The following MTUS2 variants were observed in gnomAD, a reference collection of about 807,000 sequenced individuals.
The protein encoded by MTUS2 is microtubule-associated tumor suppressor candidate 2.
Under a neutral mutation model 114.1 loss-of-function variants are expected in MTUS2, and 40 were observed. The observed-to-expected ratio is 0.35, with a 90% confidence interval of 0.27 to 0.46. The LOEUF (loss-of-function observed/expected upper bound fraction) is 0.46, where lower values mean the gene tolerates loss of function less well. Ranked by LOEUF, MTUS2 falls within the 20% of genes least tolerant of loss-of-function variation. The pLI is 1.00. For missense variants in MTUS2, 1,679 were observed against 1,705.4 expected (o/e 0.98, Z 0.27); for synonymous variants, 688 against 672.0 (o/e 1.02, Z -0.37).
At chr13:29,231,586 T>C (rs1896326644) in intron 5 of MTUS2, among the ~76,000 whole-genome samples, 1 of 152,242 alleles carries the variant, frequency 6.6e-6, no homozygotes, top group Admixed American at 6.5e-5. Flanking sequence ...GTGTTCAGGA[T>C]ACACGATTAC....
intron 5 of MTUS2, among the ~76,000 whole-genome samples, chr13:29,241,169 G>A (rs2139395794): frequency 6.6e-6 from 1 of 152,290 alleles, no homozygotes; most frequent in Middle Eastern, 3.4e-3. Flanking sequence ...CTGGGTTACA[G>A]GGCTTAGAGG....
intron 4 of MTUS2, 35 bp downstream of exon 4, chr13:29,034,160 G>A (rs566770787): frequency 1.2e-6 from 2 of 1,612,162 alleles, no homozygotes; most frequent in Non-Finnish European, 1.7e-6. Context: ...TTTTCCTGCT[G>A]TACGTTTAGA....
At chr13:29,134,599 T>A (rs1407307185) in intron 5 of MTUS2, among the ~76,000 whole-genome samples, 1 of 152,230 alleles carries the variant, frequency 6.6e-6, no homozygotes, top group East Asian at 1.9e-4. Flanking sequence ...TGTATCACGC[T>A]TTATTTTTTT....
chr13:29,232,863 G>A (rs1450704694), intron 5 of MTUS2, among the ~76,000 whole-genome samples: 1 of 152,144 alleles, frequency 6.6e-6, no homozygotes, highest in Non-Finnish European at 1.5e-5. Context: ...AAACGTTGTG[G>A]GAGTGAAAGC....
rs138389375 is a variant in MTUS2, at chr13:29,040,339, G to A, written c.2446+6214G>A. ...CTCATTAGTATTTCATAGTACATTTGTACCACATTGTCTTTATTCACTCGT... is the reference window on the plus strand; with the variant it reads ...CTCATTAGTATTTCATAGTACATTTATACCACATTGTCTTTATTCACTCGT... On this transcript the variant is annotated intron_variant, in intron 4 of 15. Coordinates refer to ENST00000612955, the MANE Select transcript of MTUS2 (RefSeq NM_001033602.4). Among the ~76,000 whole-genome samples, 455 of 152,216 alleles carry A rather than the reference G, an allele frequency of 3.0e-3. 4 individuals carry two copies. Among genetic ancestry groups the A allele is most frequent in the Admixed American group, 4.3e-3 (66 of 15,286 alleles).
At chr13:29,361,470 A>G (rs182089098) in intron 8 of MTUS2, among the ~76,000 whole-genome samples, 2 of 151,354 alleles carry the variant, frequency 1.3e-5, no homozygotes, top group Non-Finnish European at 2.9e-5. Flanking sequence ...TTTTTTTTTT[A>G]AAAAGTTAAA....
chr13:29,438,218 A>G (rs367956153), intron 8 of MTUS2, among the ~76,000 whole-genome samples: 5 of 152,194 alleles, frequency 3.3e-5, no homozygotes, highest in African/African-American at 4.8e-5. Flanking sequence ...GGATTATGCA[A>G]TAAAATACAT....
At chr13:29,278,739 G>T (rs1011197845) in intron 5 of MTUS2, among the ~76,000 whole-genome samples, 9 of 152,178 alleles carry the variant, frequency 5.9e-5, no homozygotes, top group African/African-American at 1.9e-4. Context: ...TGGAATTGAT[G>T]ATGTTTCATA....
chr13:29,150,180 C>G (rs1298827253), intron 5 of MTUS2, among the ~76,000 whole-genome samples: 4 of 152,170 alleles, frequency 2.6e-5, no homozygotes, highest in Non-Finnish European at 5.9e-5. Flanking sequence ...TTTGCACCCT[C>G]TCTGATTTCT....
chr13:29,178,251 A>T (rs1893856513), intron 5 of MTUS2, among the ~76,000 whole-genome samples: 3 of 152,202 alleles, frequency 2.0e-5, no homozygotes, highest in Admixed American at 2.0e-4. Context: ...TATTAATGAA[A>T]TTCAAATTTG....
intron 1 of MTUS2, among the ~76,000 whole-genome samples, chr13:28,824,776 G>A (rs1230207432): frequency 1.3e-5 from 2 of 151,804 alleles, no homozygotes; most frequent in Non-Finnish European, 2.9e-5. Context: ...GACAAAAACT[G>A]CATCCTTGAG....
chr13:29,080,611 T>C (rs1045934867), intron 4 of MTUS2, among the ~76,000 whole-genome samples: 1 of 152,222 alleles, frequency 6.6e-6, no homozygotes, highest in African/African-American at 2.4e-5. Context: ...GTCTGGTCTT[T>C]TCTTCTGTCT....
At chr13:29,363,145 G>T (rs1008834093) in intron 8 of MTUS2, among the ~76,000 whole-genome samples, 2 of 152,118 alleles carry the variant, frequency 1.3e-5, no homozygotes, top group Non-Finnish European at 2.9e-5. Context: ...TGGTGTGATG[G>T]TGCTTTTGCT....
rs142059502 is a variant in MTUS2, at chr13:29,123,169, G to A, written c.2644+22199G>A. Among the ~76,000 whole-genome samples, 4 of 152,080 alleles carry A rather than the reference G, an allele frequency of 2.6e-5. No individual in the cohort carries two copies. The East Asian group carries it at 5.8e-4, about 22-fold the overall frequency. Reference sequence around the variant, plus strand: ...TGAAATTTTTATTCATTTACAATCAGCACTTGTTTTAGTTTCTCTAAATAG... The same window carrying A: ...TGAAATTTTTATTCATTTACAATCAACACTTGTTTTAGTTTCTCTAAATAG... On this transcript the variant is annotated intron_variant, in intron 5 of 15. Coordinates refer to ENST00000612955, the MANE Select transcript of MTUS2 (RefSeq NM_001033602.4).
At chr13:29,443,209 C>T (rs748856403) in intron 9 of MTUS2, among the ~76,000 whole-genome samples, 5 of 152,114 alleles carry the variant, frequency 3.3e-5, no homozygotes, top group Admixed American at 1.3e-4. Context: ...CATAACTATC[C>T]GGTGTGTAGC....
At chr13:29,245,755 G>A (rs1299456551) in intron 5 of MTUS2, among the ~76,000 whole-genome samples, 1 of 145,008 alleles carries the variant, frequency 6.9e-6, no homozygotes, top group African/African-American at 2.6e-5. Flanking sequence ...GGAGTGCAGT[G>A]GCACGACCTC....
At chr13:29,344,534 T>G (rs9551652) in intron 7 of MTUS2, among the ~76,000 whole-genome samples, 110,615 of 152,052 alleles carry the variant, frequency 0.73, 44,274 homozygotes, top group East Asian at 0.9. Flanking sequence ...TAAGTTTATG[T>G]GAGTCCTTAT....
chr13:28,874,691 T>C (rs1877829436), intron 2 of MTUS2, among the ~76,000 whole-genome samples: 1 of 152,132 alleles, frequency 6.6e-6, no homozygotes, highest in South Asian at 2.1e-4. Flanking sequence ...ACATCAGAAG[T>C]CACACTGTCA....
intron 5 of MTUS2, among the ~76,000 whole-genome samples, chr13:29,227,041 T>G (rs1896134284): frequency 6.6e-6 from 1 of 152,088 alleles, no homozygotes; most frequent in South Asian, 2.1e-4. Context: ...GTGGATCTCT[T>G]GAGATCAGGA....
Sources: gnomAD v4.1 joint callset for allele counts (sites outside exome capture counted in the v4.1 genomes callset) on GRCh38, gnomAD v4.1.1 for gene constraint, MANE v1.5 for transcripts, NCBI Gene and HGNC (gene_info 2026-07-23, HGNC 2026-07-21) for gene names.